Variants in KCNIP4 observed in about 807,000 individuals in gnomAD.
The protein encoded by KCNIP4 is Kv channel-interacting protein 4.
Under a neutral mutation model 34.0 loss-of-function variants are expected in KCNIP4, and 12 were observed. The observed-to-expected ratio is 0.35, with a 90% confidence interval of 0.23 to 0.57. The LOEUF is 0.57. Among genes scored for constraint, KCNIP4 ranks in the 20% least tolerant of loss-of-function variants. KCNIP4 has a pLI of 0.83. For synonymous variants in KCNIP4, 124 were observed against 102.2 expected (o/e 1.21, Z -1.29); for missense variants, 238 against 311.7 (o/e 0.76, Z 1.78).
intron 1 of KCNIP4, among the ~76,000 whole-genome samples, chr4:21,934,288 C>A (rs529906582): frequency 6.9e-4 from 105 of 152,086 alleles, no homozygotes; most frequent in African/African-American, 2.5e-3. Context: ...CTAGTTTGTC[C>A]ACAGTGGTCA....
chr4:20,762,221 C>A (rs1330141994), intron 3 of KCNIP4, among the ~76,000 whole-genome samples: 2 of 152,160 alleles, frequency 1.3e-5, no homozygotes, highest in Admixed American at 6.5e-5. Context: ...AAGGGGCGAG[C>A]TAGCTCTGTG....
intron 1 of KCNIP4, among the ~76,000 whole-genome samples, chr4:21,797,351 CT>C (rs1720690521): frequency 1.3e-5 from 2 of 152,080 alleles, no homozygotes; most frequent in South Asian, 4.1e-4. Flanking sequence ...CACTATGTTG[CT>C]TAGGTTGGTC....
chr4:21,022,983 T>G (rs565539398), intron 1 of KCNIP4, among the ~76,000 whole-genome samples: 9 of 152,124 alleles, frequency 5.9e-5, no homozygotes, highest in African/African-American at 2.2e-4. Context: ...CCACCATGCC[T>G]GGCTAATTTT....
intron 1 of KCNIP4, among the ~76,000 whole-genome samples, chr4:21,101,845 C>G (rs912609117): frequency 6.6e-6 from 1 of 152,142 alleles, no homozygotes; most frequent in Non-Finnish European, 1.5e-5. Context: ...ACAGAGGGAA[C>G]AGGTCTTAAA....
At chr4:21,918,570 T>A (rs888455184) in intron 1 of KCNIP4, among the ~76,000 whole-genome samples, 1 of 151,958 alleles carries the variant, frequency 6.6e-6, no homozygotes, top group Non-Finnish European at 1.5e-5. Context: ...GTCACCTAAT[T>A]CACCTTAACT....
chr4:21,064,396 C>A lies in KCNIP4; in HGVS notation c.62-181687G>T, dbSNP rs572261617. ...TGTGTTGGCATTTTTACTCCCGTTA[C>A]CTCACAGGAAAAAAAAAAAAAGAAA... is the stretch of plus-strand genomic sequence containing the variant. On this transcript the variant is annotated intron_variant, in intron 1 of 8. Coordinates refer to ENST00000382152, the MANE Select transcript of KCNIP4 (RefSeq NM_025221.6). Among the ~76,000 whole-genome samples the A allele has an allele frequency of 1.1e-4, 17 of 150,116 alleles. No homozygotes were observed. In the East Asian group the frequency reaches 3.1e-3, roughly 27 times the overall value.
chr4:21,799,561 C>A (rs1298681779), intron 1 of KCNIP4, among the ~76,000 whole-genome samples: 1 of 152,102 alleles, frequency 6.6e-6, no homozygotes, highest in East Asian at 1.9e-4. Context: ...AATATATATT[C>A]ACTTTCAAAT....
chr4:21,653,951 T>C (rs953692954), intron 1 of KCNIP4, among the ~76,000 whole-genome samples: 5 of 152,238 alleles, frequency 3.3e-5, no homozygotes, highest in African/African-American at 1.2e-4. Context: ...AGTCCTCATT[T>C]AGGAAACTCA....
intron 1 of KCNIP4, among the ~76,000 whole-genome samples, chr4:21,297,076 TAAGTC>T (rs1190149757): frequency 2.7e-5 from 4 of 150,046 alleles, no homozygotes; most frequent in Non-Finnish European, 5.9e-5. Context: ...GAATTTCTGG[TAAGTC>T]AAGTGCTATA....
intron 1 of KCNIP4, among the ~76,000 whole-genome samples, chr4:21,581,656 A>C (rs561521624): frequency 6.6e-6 from 1 of 152,142 alleles, no homozygotes; most frequent in South Asian, 2.1e-4. Flanking sequence ...GAAGTTTTGC[A>C]TAATGCATTC....
chr4:20,842,078 G>A (rs1320860690), intron 3 of KCNIP4, among the ~76,000 whole-genome samples: 2 of 152,014 alleles, frequency 1.3e-5, no homozygotes, highest in Non-Finnish European at 2.9e-5. Flanking sequence ...CTATGTGTTT[G>A]CTTTTTGCCC....
intron 1 of KCNIP4, chr4:21,848,343 G>A (rs1232571239): frequency 2.0e-5 from 3 of 152,146 alleles, no homozygotes; most frequent in African/African-American, 7.2e-5. Flanking sequence ...TTCATAATCA[G>A]GCAGTGCTGA....
intron 1 of KCNIP4, among the ~76,000 whole-genome samples, chr4:21,081,329 T>A (rs1462506929): frequency 6.6e-6 from 1 of 151,838 alleles, no homozygotes; most frequent in African/African-American, 2.4e-5. Context: ...TGTATTAAGT[T>A]CTAAAATTAA....
At chr4:21,695,581 C>T (rs995753214) in intron 1 of KCNIP4, among the ~76,000 whole-genome samples, 1 of 152,070 alleles carries the variant, frequency 6.6e-6, no homozygotes, top group Non-Finnish European at 1.5e-5. Flanking sequence ...GATAAAGTAC[C>T]AACCACAGTG....
intron 1 of KCNIP4, among the ~76,000 whole-genome samples, chr4:21,351,753 A>G (rs1718022817): frequency 6.6e-6 from 1 of 152,170 alleles, no homozygotes. Flanking sequence ...CCATTTGAAG[A>G]CAATATGAGA....
At chr4:21,235,963 T>C (rs1759327664) in intron 1 of KCNIP4, among the ~76,000 whole-genome samples, 1 of 152,072 alleles carries the variant, frequency 6.6e-6, no homozygotes, top group Non-Finnish European at 1.5e-5. Flanking sequence ...TATGTATAGG[T>C]TCTGACCTAG....
At chr4:21,918,187 A>G (rs969402793) in intron 1 of KCNIP4, among the ~76,000 whole-genome samples, 5 of 152,114 alleles carry the variant, frequency 3.3e-5, no homozygotes, top group Non-Finnish European at 7.4e-5. Flanking sequence ...GAAATGTCCT[A>G]TAAGAGAAAT....
At chr4:21,447,419 G>T (rs2109731274) in intron 1 of KCNIP4, among the ~76,000 whole-genome samples, 2 of 152,254 alleles carry the variant, frequency 1.3e-5, no homozygotes, top group South Asian at 2.1e-4. Flanking sequence ...CTCCAGAATT[G>T]TGAGAGAATA....
At chr4:21,629,047 G>T (rs940440835) in intron 1 of KCNIP4, among the ~76,000 whole-genome samples, 2 of 152,126 alleles carry the variant, frequency 1.3e-5, no homozygotes, top group African/African-American at 4.8e-5. Flanking sequence ...CCCCTCCAAG[G>T]TGTTGGGTGG....
Sources: allele counts gnomAD v4.1 joint callset (sites outside exome capture counted in the v4.1 genomes callset), GRCh38; gene constraint gnomAD v4.1.1; transcripts MANE v1.5; gene names NCBI Gene and HGNC (gene_info 2026-07-23, HGNC 2026-07-21).